Variants in SGCZ observed in about 807,000 individuals in gnomAD.
The protein encoded by SGCZ is zeta-sarcoglycan.
SGCZ carries 40 observed loss-of-function variants against 41.3 expected under a neutral mutation model. The observed-to-expected ratio is 0.97, with a 90% confidence interval of 0.75 to 1.26. The LOEUF (loss-of-function observed/expected upper bound fraction) is 1.26, where lower values mean the gene tolerates loss of function less well. Among genes scored for constraint, SGCZ ranks in the 50% most tolerant of loss-of-function variants. SGCZ has a pLI of 0.00. For missense variants in SGCZ, 552 were observed against 369.8 expected (o/e 1.49, Z -4.04); for synonymous variants, 206 against 137.5 (o/e 1.50, Z -3.49).
intron 1 of SGCZ, among the ~76,000 whole-genome samples, chr8:14,957,464 T>C (rs1257666138): frequency 6.6e-6 from 1 of 152,014 alleles, no homozygotes; most frequent in Non-Finnish European, 1.5e-5. Context: ...TTACCGATTC[T>C]CAAAAAATAG....
At chr8:15,063,273 C>G (rs1382872538) in intron 1 of SGCZ, among the ~76,000 whole-genome samples, 2 of 152,012 alleles carry the variant, frequency 1.3e-5, no homozygotes, top group African/African-American at 4.8e-5. Flanking sequence ...TGAACATAAG[C>G]ACATTTAATA....
intron 2 of SGCZ, among the ~76,000 whole-genome samples, chr8:14,541,435 C>A (rs760686352): frequency 6.6e-6 from 1 of 152,050 alleles, no homozygotes; most frequent in Non-Finnish European, 1.5e-5. Context: ...AAGATGACAG[C>A]TTCCAGCTTC....
chr8:14,610,017 CT>C (rs1259803694), intron 1 of SGCZ, among the ~76,000 whole-genome samples: 3 of 152,158 alleles, frequency 2.0e-5, no homozygotes, highest in Non-Finnish European at 4.4e-5. Context: ...GAGATTTCAA[CT>C]GCTACGATCT....
At chr8:15,117,622 T>C (rs973939327) in intron 1 of SGCZ, among the ~76,000 whole-genome samples, 2 of 152,182 alleles carry the variant, frequency 1.3e-5, no homozygotes, top group African/African-American at 4.8e-5. Flanking sequence ...CCTCCTCTCA[T>C]GGTGGTTGTG....
intron 2 of SGCZ, among the ~76,000 whole-genome samples, chr8:14,547,095 C>T (rs959982851): frequency 6.6e-6 from 1 of 151,908 alleles, no homozygotes; most frequent in Non-Finnish European, 1.5e-5. Flanking sequence ...ATGGCTATAG[C>T]CTGAACGTTA....
At chr8:14,956,305 T>C (rs529212344) in intron 1 of SGCZ, among the ~76,000 whole-genome samples, 1 of 152,238 alleles carries the variant, frequency 6.6e-6, no homozygotes, top group Admixed American at 6.5e-5. Context: ...CCCAAACTGC[T>C]GGAATTACAA....
At chr8:14,423,161 G>T (rs1055268428) in intron 2 of SGCZ, among the ~76,000 whole-genome samples, 1 of 151,792 alleles carries the variant, frequency 6.6e-6, no homozygotes, top group African/African-American at 2.4e-5. Context: ...GGGGACTGTT[G>T]TGGGGTGGGC....
chr8:14,544,105 C>T (rs1803551779), intron 2 of SGCZ, among the ~76,000 whole-genome samples: 1 of 151,988 alleles, frequency 6.6e-6, no homozygotes, highest in Admixed American at 6.6e-5. Context: ...AGTCAGGGAC[C>T]CCAAACGGAG....
At chr8:14,384,570 T>A (rs1229717131) in intron 2 of SGCZ, among the ~76,000 whole-genome samples, 1 of 152,198 alleles carries the variant, frequency 6.6e-6, no homozygotes, top group Non-Finnish European at 1.5e-5. Flanking sequence ...TTTATTTATT[T>A]ATTTCTTGAG....
intron 1 of SGCZ, among the ~76,000 whole-genome samples, chr8:14,718,330 A>G (rs753710627): frequency 4.6e-5 from 7 of 152,058 alleles, no homozygotes; most frequent in African/African-American, 7.2e-5. Flanking sequence ...ATAGCCTGAA[A>G]CAAAAATTAT....
intron 1 of SGCZ, among the ~76,000 whole-genome samples, chr8:15,183,444 G>A (rs1348262496): frequency 1.3e-5 from 2 of 152,106 alleles, no homozygotes; most frequent in Non-Finnish European, 2.9e-5. Flanking sequence ...GGTATATGTG[G>A]TCCATCATTA....
At chr8:14,118,941 A>T (rs1278735536) in intron 5 of SGCZ, among the ~76,000 whole-genome samples, 4 of 152,126 alleles carry the variant, frequency 2.6e-5, no homozygotes, top group Non-Finnish European at 5.9e-5. Flanking sequence ...TGGCACCAGT[A>T]CCATGCTGTT....
intron 1 of SGCZ, among the ~76,000 whole-genome samples, chr8:14,587,524 A>G (rs2117275403): frequency 6.6e-6 from 1 of 152,260 alleles, no homozygotes; most frequent in Non-Finnish European, 1.5e-5. Context: ...TAATTTTAAG[A>G]TATGCTTACA....
intron 1 of SGCZ, among the ~76,000 whole-genome samples, chr8:14,940,368 C>A (rs1177042503): frequency 5.9e-5 from 9 of 151,982 alleles, no homozygotes; most frequent in East Asian, 1.9e-4. Context: ...AATTTAAAAG[C>A]CAATGATCTA....
At position 15,078,147 on chromosome 8, in the gene SGCZ, C is replaced by CTTTTTTTTTTTTT. The variant is rs34411963; in HGVS notation, c.39+159425_39+159437dup. 6.7e-5 allele frequency among the ~76,000 whole-genome samples: 3 copies of CTTTTTTTTTTTTT among 44,798 alleles called. 1 individual carries two copies. The highest frequency in any genetic ancestry group is 2.6e-4 in the African/African-American group (3 of 11,542). 29.4% of individuals were successfully genotyped at this position (44,798 alleles called of 152,430 possible). The stretch of plus-strand genomic sequence containing the variant: ...TGACAGCCTGTTGGCAGGAACTCTT[C>CTTTTTTTTTTTTT]TTTTTTTTTTTTTTTTTTTTTTTTT... On this transcript the variant is annotated intron_variant, in intron 1 of 7. Coordinates refer to ENST00000382080, the MANE Select transcript of SGCZ (RefSeq NM_139167.4).
chr8:14,528,238 T>C (rs755764518), intron 2 of SGCZ, among the ~76,000 whole-genome samples: 15 of 152,108 alleles, frequency 9.9e-5, no homozygotes, highest in East Asian at 1.9e-4. Context: ...TTCTCAAGTT[T>C]GGGAAAGAAG....
chr8:14,108,514 G>T (rs1285817673), intron 5 of SGCZ, among the ~76,000 whole-genome samples: 1 of 152,042 alleles, frequency 6.6e-6, no homozygotes, highest in East Asian at 1.9e-4. Flanking sequence ...AGAAAAATGA[G>T]GAAGACGCAA....
At chr8:14,446,605 T>C (rs1800438905) in intron 2 of SGCZ, among the ~76,000 whole-genome samples, 1 of 152,186 alleles carries the variant, frequency 6.6e-6, no homozygotes, top group African/African-American at 2.4e-5. Context: ...TGCTTAACTT[T>C]TCTCCTTCAA....
intron 1 of SGCZ, among the ~76,000 whole-genome samples, chr8:14,779,437 T>C (rs1022013323): frequency 5.3e-5 from 8 of 152,162 alleles, no homozygotes; most frequent in Admixed American, 1.3e-4. Context: ...AGCCTTCAAA[T>C]GATTGCAATT....
Sources: allele counts gnomAD v4.1 joint callset (sites outside exome capture counted in the v4.1 genomes callset), GRCh38; gene constraint gnomAD v4.1.1; transcripts MANE v1.5; gene names NCBI Gene and HGNC (gene_info 2026-07-23, HGNC 2026-07-21).